ADGRA3: variants seen among roughly 807,000 people sequenced by gnomAD.
ADGRA3 encodes the protein G-protein coupled receptor 125.
ADGRA3 carries 56 observed loss-of-function variants against 119.8 expected under a neutral mutation model. The ratio of observed to expected loss-of-function variants is 0.47; its 90% CI spans 0.38 to 0.58. ADGRA3 has a LOEUF of 0.58. Ranked by LOEUF, ADGRA3 falls within the 20% of genes least tolerant of loss-of-function variation. The pLI is 0.00. For synonymous variants in ADGRA3, 607 were observed against 623.8 expected (o/e 0.97, Z 0.40); for missense variants, 1,516 against 1,649.0 (o/e 0.92, Z 1.40).
chr4:22,497,292 C>CT (rs35444637), intron 1 of ADGRA3, among the ~76,000 whole-genome samples: 1 of 151,972 alleles, frequency 6.6e-6, no homozygotes, highest in Non-Finnish European at 1.5e-5. Flanking sequence ...TGGAAATTAA[C>CT]TTTTTTTAAA....
At chr4:22,429,295 G>A (rs1716066147) in intron 10 of ADGRA3, among the ~76,000 whole-genome samples, 1 of 152,194 alleles carries the variant, frequency 6.6e-6, no homozygotes, top group Admixed American at 6.6e-5. Context: ...TGAGTACTCT[G>A]GAGAACTCTC....
At chr4:22,446,906 G>A (rs1181158398) in intron 5 of ADGRA3, among the ~76,000 whole-genome samples, 3 of 151,596 alleles carry the variant, frequency 2.0e-5, no homozygotes, top group Non-Finnish European at 4.4e-5. Context: ...ACAAAACTGG[G>A]GGAAAAAAAA....
At chr4:22,421,167 C>G in intron 11 of ADGRA3, 78 bp from the exon 12 acceptor site, 1 of 1,219,600 alleles carries the variant, frequency 8.2e-7, no homozygotes, top group Non-Finnish European at 1.2e-6. Context: ...TTTTCAAACA[C>G]AAAACACTAT....
intron 15 of ADGRA3, among the ~76,000 whole-genome samples, chr4:22,401,971 G>GC (rs1401968638): frequency 2.6e-5 from 4 of 152,040 alleles, no homozygotes; most frequent in African/African-American, 9.7e-5. Context: ...AACACTCAAT[G>GC]CATTTCTTCC....
chr4:22,453,388 G>A (rs914941363), intron 4 of ADGRA3, among the ~76,000 whole-genome samples: 3 of 151,976 alleles, frequency 2.0e-5, no homozygotes, highest in African/African-American at 7.2e-5. Context: ...CAAAAATCAG[G>A]CCATATACCT....
chr4:22,436,296 C>A (rs1428237205), intron 9 of ADGRA3, 144 bp downstream of exon 9: 2 of 640,540 alleles, frequency 3.1e-6, no homozygotes, highest in East Asian at 5.5e-5. Flanking sequence ...GGACCTGATC[C>A]TGAAGACAGT....
intron 1 of ADGRA3, among the ~76,000 whole-genome samples, chr4:22,513,105 A>G (rs1719507025): frequency 6.6e-6 from 1 of 151,000 alleles, no homozygotes; most frequent in South Asian, 2.1e-4. Flanking sequence ...AGGGGGCCTC[A>G]TATACCTTGA....
At chr4:22,419,249 T>TAA (rs34968637) in intron 12 of ADGRA3, among the ~76,000 whole-genome samples, 10,702 of 147,512 alleles carry the variant, frequency 0.073, 839 homozygotes, top group African/African-American at 0.2. Flanking sequence ...TTCAAGGGAT[T>TAA]AAAAAAAAAA....
chr4:22,498,511 G>A (rs1718926954), intron 1 of ADGRA3, among the ~76,000 whole-genome samples: 1 of 120,888 alleles, frequency 8.3e-6, no homozygotes, highest in Non-Finnish European at 2.0e-5. Flanking sequence ...CTAGCTACTC[G>A]GGAAGCTGAG....
At chr4:22,409,962 G>A (rs1257565072) in intron 14 of ADGRA3, among the ~76,000 whole-genome samples, 2 of 152,150 alleles carry the variant, frequency 1.3e-5, no homozygotes, top group South Asian at 2.1e-4. Context: ...ACATCCATGT[G>A]AGTATAGTAC....
chr4:22,495,739 G>A (rs1009348049), intron 1 of ADGRA3, among the ~76,000 whole-genome samples: 8 of 149,708 alleles, frequency 5.3e-5, no homozygotes, highest in South Asian at 2.1e-4. Context: ...AAACCCCGTC[G>A]CTACTAAAAA....
intron 8 of ADGRA3, among the ~76,000 whole-genome samples, chr4:22,437,423 G>GTT (rs1716438279): frequency 2.0e-5 from 3 of 152,140 alleles, no homozygotes; most frequent in Non-Finnish European, 4.4e-5. Context: ...GGTAACAACT[G>GTT]AACCCATTAG....
At position 22,487,655 on chromosome 4, in the gene ADGRA3, T is replaced by C. The variant is rs192812879; in HGVS notation, c.258-13812A>G. On this transcript the variant is annotated intron_variant, in intron 1 of 18. Coordinates refer to ENST00000334304, the MANE Select transcript of ADGRA3 (RefSeq NM_145290.4). ...ATCTAAAGTTGGAAACACTACACCATTGTCACCAACAAGAGAGCCACAGAG... is the reference window on the plus strand; with the variant it reads ...ATCTAAAGTTGGAAACACTACACCACTGTCACCAACAAGAGAGCCACAGAG... Among the ~76,000 whole-genome samples the C allele has an allele frequency of 2.7e-3, 411 of 152,198 alleles. 3 individuals are homozygous for C. Among genetic ancestry groups the C allele is most frequent in the Non-Finnish European group, 2.9e-3 (196 of 68,010 alleles).
intron 1 of ADGRA3, among the ~76,000 whole-genome samples, chr4:22,488,577 G>A (rs1357872177): frequency 6.6e-6 from 1 of 151,192 alleles, no homozygotes; most frequent in Non-Finnish European, 1.5e-5. Context: ...GCCATGGGAG[G>A]CAGAGAAAAG....
intron 12 of ADGRA3, chr4:22,420,650 T>C (rs1267575400): frequency 1.8e-6 from 1 of 564,510 alleles, no homozygotes; most frequent in African/African-American, 1.9e-5. Context: ...TTATAAAATG[T>C]AATTTCTGAT....
intron 1 of ADGRA3, among the ~76,000 whole-genome samples, chr4:22,505,714 A>C (rs933592008): frequency 2.0e-5 from 3 of 152,108 alleles, no homozygotes; most frequent in African/African-American, 7.2e-5. Context: ...AGAGTATAAC[A>C]ATAGAGGAAG....
At chr4:22,446,196 A>T (rs1474301242) in intron 5 of ADGRA3, among the ~76,000 whole-genome samples, 1 of 152,190 alleles carries the variant, frequency 6.6e-6, no homozygotes, top group East Asian at 1.9e-4. Flanking sequence ...ATCTGATGTA[A>T]TACAGCACAG....
At chr4:22,513,580 C>T (rs1460660732) in intron 1 of ADGRA3, among the ~76,000 whole-genome samples, 2 of 148,548 alleles carry the variant, frequency 1.3e-5, no homozygotes, top group African/African-American at 5.0e-5. Context: ...GGTGCGATTT[C>T]GGCTCACTGC....
intron 2 of ADGRA3, among the ~76,000 whole-genome samples, chr4:22,465,207 G>A (rs912746951): frequency 1.3e-5 from 2 of 152,114 alleles, no homozygotes; most frequent in Non-Finnish European, 2.9e-5. Flanking sequence ...TTGGTTGGGG[G>A]AGCAGCCTTC....
Sources: allele counts gnomAD v4.1 joint callset (sites outside exome capture counted in the v4.1 genomes callset), GRCh38; gene constraint gnomAD v4.1.1; transcripts MANE v1.5; gene names NCBI Gene and HGNC (gene_info 2026-07-23, HGNC 2026-07-21).